The following RBBP5 variants were observed in gnomAD, a reference collection of about 807,000 sequenced individuals.
RBBP5 encodes the protein RB binding protein 5, histone lysine methyltransferase complex subunit, also known as retinoblastoma-binding protein 5.
RBBP5 carries 5 observed loss-of-function variants against 72.2 expected under a neutral mutation model. The observed-to-expected ratio is 0.07, with a 90% CI of 0.04 to 0.15. The LOEUF is 0.15. Among genes scored for constraint, RBBP5 ranks in the 10% least tolerant of loss-of-function variants. The probability of loss-of-function intolerance (pLI) is 1.00; values close to 1 mark genes in which losing one functional copy is unlikely to be tolerated. For synonymous variants in RBBP5, 209 were observed against 237.2 expected, an observed-to-expected ratio of 0.88 and a Z score of 1.09; for missense variants, 322 against 652.2, an observed-to-expected ratio of 0.49 and a Z score of 5.51.
rs759964474 is a variant in RBBP5, at chr1:205,099,709, TAGTTTCGAAGCA to T, written c.978+20_978+31del. Reference sequence around the variant, plus strand: ...TTCTTTGATAAAAAGAAGGGGTAACTAGTTTCGAAGCAAGTAAAATAGAATACTTACTACTTG... The same window carrying T: ...TTCTTTGATAAAAAGAAGGGGTAACTAGTAAAATAGAATACTTACTACTTG... On this transcript the variant is annotated intron_variant, in intron 9 of 13. Transcript: ENST00000264515. The surrounding 1 kb of genome is among the most constrained non-coding windows in gnomAD (Gnocchi z 4.7). 6.4e-7 allele frequency: 1 copy of T among 1,556,650 alleles called. No homozygotes were observed. Among genetic ancestry groups the T allele is most frequent in the Non-Finnish European group, 8.8e-7 (1 of 1,133,290 alleles).
At chr1:205,097,211 T>G in intron 11 of RBBP5, 115 bp downstream of exon 11, 1 of 1,012,186 alleles carries the variant, frequency 9.9e-7, no homozygotes, top group Non-Finnish European at 1.5e-6. Flanking sequence ...ACGAGTTATC[T>G]CTTTTAGCTA....
intron 13 of RBBP5, among the ~76,000 whole-genome samples, chr1:205,089,679 C>A (rs761942680): frequency 2.6e-5 from 4 of 152,128 alleles, no homozygotes; most frequent in Non-Finnish European, 5.9e-5. Flanking sequence ...TGCCTGAGAA[C>A]AGACTAAAGT....
Position 205,101,715 on chromosome 1 carries a change from G to T in RBBP5, c.523-6C>A. The T allele has an allele frequency of 6.3e-7, 1 of 1,595,220 alleles. No individual in the cohort carries two copies. The highest frequency in any genetic ancestry group is 2.2e-5 in the East Asian group (1 of 44,692). ...TCTGTTTTTAGGACCAAAATCTAAA[G>T]TTTAAAGGAGGGGGGAAAAAAGTAA... is the stretch of plus-strand genomic sequence containing the variant. On this transcript the variant is annotated splice_region_variant and splice_polypyrimidine_tract_variant and intron_variant, in intron 5 of 13. Coordinates refer to ENST00000264515, the MANE Select transcript of RBBP5 (RefSeq NM_005057.4).
intron 12 of RBBP5, 141 bp downstream of exon 12, chr1:205,096,541 A>C: frequency 1.4e-6 from 1 of 720,452 alleles, no homozygotes. Context: ...AATCATTATA[A>C]AGTTGTAAAA....
intron 3 of RBBP5, 108 bp from the exon 4 acceptor site, chr1:205,105,276 A>G (rs1656009860): frequency 2.3e-6 from 3 of 1,326,128 alleles, no homozygotes; most frequent in South Asian, 1.4e-5. Flanking sequence ...CAGGTCAACA[A>G]TGTTTTTGGT....
At chr1:205,120,065 C>T (rs936260599) in intron 1 of RBBP5, among the ~76,000 whole-genome samples, 3 of 152,160 alleles carry the variant, frequency 2.0e-5, no homozygotes, top group African/African-American at 7.2e-5. Flanking sequence ...TTTGCTCTCA[C>T]CATTTTTCAC....
chr1:205,089,921 A>G lies in RBBP5; in HGVS notation c.1589-1106T>C, dbSNP rs542449574. Among the ~76,000 whole-genome samples the G allele has an allele frequency of 1.1e-3, 165 of 152,130 alleles. 1 individual carries two copies. The highest frequency in any genetic ancestry group is 3.7e-3 in the African/African-American group (155 of 41,496). Reference sequence around the variant, plus strand: ...GGCTGGATTGCAATGGCGTGATCTCAGCTCACTGCAACCTCCGCCTCCTGG... The same window carrying G: ...GGCTGGATTGCAATGGCGTGATCTCGGCTCACTGCAACCTCCGCCTCCTGG... On this transcript the variant is annotated intron_variant, in intron 13 of 13. Transcript: ENST00000264515.
rs993779183 is a variant in RBBP5, at chr1:205,093,217, T to C, written c.1588+1656A>G. 2.6e-5 allele frequency among the ~76,000 whole-genome samples: 4 copies of C among 151,332 alleles called. 1 individual carries two copies. The highest frequency in any genetic ancestry group is 5.9e-5 in the Non-Finnish European group (4 of 67,876). On this transcript the variant is annotated intron_variant, in intron 13 of 13. Transcript: ENST00000264515. ...GCTCACACCTGTAATCCCAGTACTC[T>C]GGGAAGCTGAGGTGGGTGGATCACT...
At chr1:205,116,621 C>CT (rs1188809444) in intron 1 of RBBP5, among the ~76,000 whole-genome samples, 1 of 152,162 alleles carries the variant, frequency 6.6e-6, no homozygotes, top group African/African-American at 2.4e-5. Context: ...CAAGACCGGC[C>CT]TAGCCAAAAT....
At chr1:205,115,000 A>G in intron 2 of RBBP5, 39 bp from the exon 3 acceptor site, 1 of 1,506,900 alleles carries the variant, frequency 6.6e-7, no homozygotes, top group Non-Finnish European at 9.0e-7. Flanking sequence ...AGGCAACAAT[A>G]GCCAGGTATC....
chr1:205,114,112 C>T (rs1656430527), intron 3 of RBBP5, among the ~76,000 whole-genome samples: 1 of 152,200 alleles, frequency 6.6e-6, no homozygotes. Flanking sequence ...TGGCCCAGGC[C>T]ACCAGTACTT....
At position 205,121,889 on chromosome 1, in the gene RBBP5, C is replaced by T; in HGVS notation, c.-16G>A. ...CGAGGTTCATCCCTGCGGACTGTGG[C>T]CGCCCGGTCTCAGCTCCGGCAACAA... On this transcript the variant is annotated 5_prime_UTR_variant, in exon 1 of 14. Transcript: ENST00000264515. 6.2e-7 allele frequency: 1 copy of T among 1,610,514 alleles called. No homozygotes were observed. The highest frequency in any genetic ancestry group is 8.5e-7 in the Non-Finnish European group (1 of 1,179,952).
intron 13 of RBBP5, among the ~76,000 whole-genome samples, 169 bp from the exon 14 acceptor site, chr1:205,088,984 T>C (rs1183437336): frequency 2.0e-5 from 3 of 152,170 alleles, no homozygotes; most frequent in Non-Finnish European, 4.4e-5. Context: ...TACTCTTTAT[T>C]GAACAAAAAA....
At chr1:205,108,700 A>G in intron 3 of RBBP5, among the ~76,000 whole-genome samples, 1 of 152,190 alleles carries the variant, frequency 6.6e-6, no homozygotes. Context: ...TCAGCAGGCA[A>G]TATAATCTCC....
intron 3 of RBBP5, among the ~76,000 whole-genome samples, chr1:205,111,151 T>C (rs1317784222): frequency 3.9e-5 from 6 of 152,086 alleles, no homozygotes; most frequent in African/African-American, 1.4e-4. Flanking sequence ...GAGGGAGGGG[T>C]TGAAAAATCT....
chr1:205,119,441 T>C (rs1023472986), intron 1 of RBBP5, among the ~76,000 whole-genome samples: 9 of 152,362 alleles, frequency 5.9e-5, no homozygotes, highest in Admixed American at 1.3e-4. Flanking sequence ...TTTATCCTAA[T>C]GAACCTTCTG....
chr1:205,088,752 G>GCAAAGTGAGAT lies in RBBP5; in HGVS notation c.*34_*35insATCTCACTTTG. On this transcript the variant is annotated 3_prime_UTR_variant, in exon 14 of 14. Transcript: ENST00000264515. ...CACAGTGTCCAGAGGCCACATGATG[G>GCAAAGTGAGAT]CAAAGTGAGAAAGAATGAAGAACTT... 1 of 1,573,906 alleles carries GCAAAGTGAGAT rather than the reference G, an allele frequency of 6.4e-7. No individual in the cohort carries two copies. Among genetic ancestry groups the GCAAAGTGAGAT allele is most frequent in the Non-Finnish European group, 8.7e-7 (1 of 1,150,208 alleles).
chr1:205,108,242 C>A (rs1363356777), intron 3 of RBBP5, among the ~76,000 whole-genome samples: 46 of 141,762 alleles, frequency 3.2e-4, no homozygotes, highest in African/African-American at 2.6e-4. Flanking sequence ...GAATCCGTCT[C>A]AAAAAAAAAA....
At chr1:205,092,102 C>T (rs1269010248) in intron 13 of RBBP5, among the ~76,000 whole-genome samples, 1 of 152,174 alleles carries the variant, frequency 6.6e-6, no homozygotes, top group African/African-American at 2.4e-5. Flanking sequence ...CTCACCCAAA[C>T]AATCCCATAT....
Sources: allele counts gnomAD v4.1 joint callset (sites outside exome capture counted in the v4.1 genomes callset), GRCh38; gene constraint gnomAD v4.1.1; non-coding constraint Gnocchi (gnomAD v3.1); transcripts MANE v1.5; gene names NCBI Gene and HGNC (gene_info 2026-07-23, HGNC 2026-07-21).